Variants in ACTR1A observed in about 807,000 individuals in gnomAD.
ACTR1A encodes the protein alpha-centractin.
In ACTR1A, 10 loss-of-function variants were observed where a neutral mutation model predicts 50.7. That is an observed-to-expected ratio of 0.20 (90% confidence interval 0.12 to 0.33). The LOEUF (loss-of-function observed/expected upper bound fraction) is 0.33, where lower values mean the gene tolerates loss of function less well. Ranked by LOEUF, ACTR1A falls within the 10% of genes least tolerant of loss-of-function variation. ACTR1A has a pLI of 1.00. For synonymous variants in ACTR1A, 177 were observed against 184.2 expected (o/e 0.96, Z 0.32); for missense variants, 253 against 491.7 (o/e 0.51, Z 4.59).
chr10:102,490,748 T>TG, intron 1 of ACTR1A, 135 bp from the exon 2 acceptor site: 1 of 636,314 alleles, frequency 1.6e-6, no homozygotes. Context: ...ATCCCAACAC[T>TG]TTGGGAGGCA....
chr10:102,484,175 G>T lies in ACTR1A; in HGVS notation c.642C>A (p.Val214=). Residue 214 remains valine (V), a synonymous_variant, in exon 6 of 11, where the codon GTC becomes GTA. Transcript: ENST00000369905. ...DFHSSSEFEI[V]KAIKERACYL... is the part of the protein sequence containing the mutation. ...CAGCACTTACTTCTTTTATGGCCTTGACAATCTCAAACTCAGAGGATGAGT... is the reference window on the plus strand; with the variant it reads ...CAGCACTTACTTCTTTTATGGCCTTTACAATCTCAAACTCAGAGGATGAGT... The T allele has an allele frequency of 6.2e-7, 1 of 1,614,132 alleles. No homozygotes were observed. Among genetic ancestry groups the T allele is most frequent in the South Asian group, 1.1e-5 (1 of 91,046 alleles).
chr10:102,483,395 C>T (rs910902453), intron 6 of ACTR1A: 1 of 355,938 alleles, frequency 2.8e-6, no homozygotes, highest in African/African-American at 2.1e-5. Flanking sequence ...CAGGCCCAGG[C>T]ATCTTTCTCC....
Position 102,482,505 on chromosome 10 carries a change from G to C in ACTR1A, c.751-330C>G. On this transcript the variant is annotated intron_variant, in intron 7 of 10. Coordinates refer to ENST00000369905, the MANE Select transcript of ACTR1A (RefSeq NM_005736.4). This position sits in a 1 kb window ranked among gnomAD's most constrained non-coding sequence, Gnocchi z 5.6. ...GTAACTCACCCTACACTGCACCCAG[G>C]TGTGGTGAAGGATGGCACTAACCAT... 1.1e-5 allele frequency: 4 copies of C among 360,560 alleles called. 1 individual carries two copies. The South Asian group carries it at 1.3e-4, about 12-fold the overall frequency. 22.3% of individuals were successfully genotyped at this position (360,560 alleles called of 1,614,324 possible).
intron 4 of ACTR1A, 42 bp from the exon 5 acceptor site, chr10:102,485,775 T>C (rs759089366): frequency 6.2e-7 from 1 of 1,608,600 alleles, no homozygotes; most frequent in Admixed American, 1.7e-5. Context: ...CAAGGCCAGA[T>C]TTCCATCTTC....
rs991856401 is a variant in ACTR1A, at chr10:102,488,846, A to C, written c.189+217T>G. ...TCCTAGACTGGTCTCAGTGTGTCCC[A>C]AAGTGAGGTCCCAGGTATTTTCTTC... is the stretch of plus-strand genomic sequence containing the variant. On this transcript the variant is annotated intron_variant, in intron 3 of 10. Transcript: ENST00000369905. The surrounding 1 kb of genome is among the most constrained non-coding windows in gnomAD (Gnocchi z 4.4). Among the ~76,000 whole-genome samples the C allele has an allele frequency of 6.6e-6, 1 of 152,264 alleles. No homozygotes were observed. The highest frequency in any genetic ancestry group is 1.5e-5 in the Non-Finnish European group (1 of 68,050).
intron 6 of ACTR1A, 147 bp downstream of exon 6, chr10:102,484,013 G>T: frequency 1.5e-6 from 1 of 675,554 alleles, no homozygotes; most frequent in Non-Finnish European, 2.5e-6. Context: ...TCAGTGTGAC[G>T]TAGGGGAGAC....
At chr10:102,501,749 G>C (rs1275777168) in intron 1 of ACTR1A, among the ~76,000 whole-genome samples, 1 of 152,158 alleles carries the variant, frequency 6.6e-6, no homozygotes, top group Admixed American at 6.5e-5. Flanking sequence ...TTTAAACTAT[G>C]CGTCCAGTTT....
intron 9 of ACTR1A, 80 bp from the exon 10 acceptor site, chr10:102,481,252 A>G: frequency 1.4e-6 from 2 of 1,418,348 alleles, no homozygotes; most frequent in Non-Finnish European, 1.9e-6. Context: ...CTTTCTGCCC[A>G]TGGCAGGGGA....
At position 102,479,560 on chromosome 10, in the gene ACTR1A, T is replaced by C. The variant is rs545844576; in HGVS notation, c.*1303A>G. On this transcript the variant is annotated 3_prime_UTR_variant, in exon 11 of 11. Transcript: ENST00000369905. The surrounding 1 kb of genome is among the most constrained non-coding windows in gnomAD (Gnocchi z 4.0). ...TCTAGGCTGAAGGCCTTTGGACCAC[T>C]CCTAGGAGTCAGGCCTGGCTCCATT... The C allele has an allele frequency of 1.6e-4, 198 of 1,259,236 alleles. No individual in the cohort carries two copies. The African/African-American group carries it at 2.7e-3, about 17-fold the overall frequency. The allele number at this position is 1,259,236 out of a possible 1,614,324, so 78.0% of individuals were successfully genotyped here.
intron 1 of ACTR1A, among the ~76,000 whole-genome samples, chr10:102,494,027 C>T (rs2062207701): frequency 6.6e-6 from 1 of 152,246 alleles, no homozygotes; most frequent in African/African-American, 2.4e-5. Context: ...AGCAGCTGAG[C>T]TGCCTCAATT....
Position 102,480,488 on chromosome 10 carries a change from G to A in ACTR1A, c.*375C>T. On this transcript the variant is annotated 3_prime_UTR_variant, in exon 11 of 11. Transcript: ENST00000369905. Reference sequence around the variant, plus strand: ...GGGGGTGGGGGTGAGGGTGGGGCCAGCCCAGCCTAGGATGGTCAGCAGCAA... The same window carrying A: ...GGGGGTGGGGGTGAGGGTGGGGCCAACCCAGCCTAGGATGGTCAGCAGCAA... 4.1e-6 allele frequency: 1 copy of A among 243,438 alleles called. No individual in the cohort carries two copies. Among genetic ancestry groups the A allele is most frequent in the South Asian group, 6.0e-5 (1 of 16,536 alleles). The allele number at this position is 243,438 out of a possible 1,614,324, so 15.1% of individuals were successfully genotyped here.
At chr10:102,494,325 A>C (rs2062209348) in intron 1 of ACTR1A, among the ~76,000 whole-genome samples, 1 of 151,970 alleles carries the variant, frequency 6.6e-6, no homozygotes, top group Non-Finnish European at 1.5e-5. Context: ...GAGAAACCCC[A>C]TCACTACAAA....
Position 102,480,764 on chromosome 10 carries a change from C to A in ACTR1A, c.*99G>T. ...GCACACACACTCATATCCACACACG[C>A]ACTCACACACAGGCAGTTCCTCGCA... On this transcript the variant is annotated 3_prime_UTR_variant, in exon 11 of 11. Transcript: ENST00000369905. 1 of 966,300 alleles carries A rather than the reference C, an allele frequency of 1.0e-6. No individual in the cohort carries two copies. Among genetic ancestry groups the A allele is most frequent in the Non-Finnish European group, 1.7e-6 (1 of 597,546 alleles). The allele number at this position is 966,300 out of a possible 1,614,324, so 59.9% of individuals were successfully genotyped here. A position where few individuals can be genotyped will look rare whatever the true frequency, so the allele number is the denominator to read the frequency against.
intron 1 of ACTR1A, among the ~76,000 whole-genome samples, chr10:102,502,150 A>C (rs1275320265): frequency 6.6e-6 from 1 of 152,208 alleles, no homozygotes; most frequent in Admixed American, 6.5e-5. Flanking sequence ...CGCCCCTTCA[A>C]GAGGGAAAAC....
chr10:102,484,150 C>A lies in ACTR1A; in HGVS notation c.657+10G>T, dbSNP rs767490090. 1 of 1,613,732 alleles carries A rather than the reference C, an allele frequency of 6.2e-7. No individual in the cohort carries two copies. Among genetic ancestry groups the A allele is most frequent in the Non-Finnish European group, 8.5e-7 (1 of 1,179,702 alleles). On this transcript the variant is annotated intron_variant, in intron 6 of 10. Transcript: ENST00000369905. ...CCACTCCATCCCTAGGCCCAGGGGG[C>A]AGCACTTACTTCTTTTATGGCCTTG...
chr10:102,498,046 GT>G (rs2062230790), intron 1 of ACTR1A, among the ~76,000 whole-genome samples: 1 of 150,862 alleles, frequency 6.6e-6, no homozygotes, highest in Non-Finnish European at 1.5e-5. Flanking sequence ...AGCTTTGATT[GT>G]GCCAATGAGC....
At chr10:102,489,808 C>T (rs1232515474) in intron 2 of ACTR1A, among the ~76,000 whole-genome samples, 3 of 151,994 alleles carry the variant, frequency 2.0e-5, no homozygotes, top group Admixed American at 2.0e-4. Context: ...AATGAGACTC[C>T]ATCTCAGAAA....
chr10:102,494,671 T>C (rs6584506), intron 1 of ACTR1A, among the ~76,000 whole-genome samples: 53,322 of 151,708 alleles, frequency 0.35, 9,493 homozygotes, highest in African/African-American at 0.39. Context: ...AAACAAAAAG[T>C]ATGGCTGGGT....
At chr10:102,486,477 G>A (rs1437687853) in intron 4 of ACTR1A, among the ~76,000 whole-genome samples, 1 of 152,024 alleles carries the variant, frequency 6.6e-6, no homozygotes, top group Non-Finnish European at 1.5e-5. Context: ...ATCATCTGAG[G>A]TCGGGAGTTC....
Sources: gnomAD v4.1 joint callset for allele counts (sites outside exome capture counted in the v4.1 genomes callset) on GRCh38, gnomAD v4.1.1 for gene constraint, Gnocchi (gnomAD v3.1) non-coding constraint, MANE v1.5 for transcripts, NCBI Gene and HGNC (gene_info 2026-07-23, HGNC 2026-07-21) for gene names.